The following PID1 variants were observed in gnomAD, a reference collection of about 807,000 sequenced individuals.
PID1 encodes PTB-containing, cubilin and LRP1-interacting protein.
In PID1, 10 loss-of-function variants were observed where a neutral mutation model predicts 19.1. The observed-to-expected ratio is 0.52, with a 90% CI of 0.32 to 0.89. The LOEUF (loss-of-function observed/expected upper bound fraction) is 0.89. PID1 is among the 40% of genes least tolerant of loss of function. The probability of loss-of-function intolerance (pLI) is 0.03; values close to 1 mark genes in which losing one functional copy is unlikely to be tolerated. For missense variants in PID1, 248 were observed against 285.3 expected (o/e 0.87, Z 0.94); for synonymous variants, 130 against 116.0 (o/e 1.12, Z -0.78).
chr2:229,081,349 C>T (rs1214304735), intron 2 of PID1, among the ~76,000 whole-genome samples: 1 of 152,130 alleles, frequency 6.6e-6, no homozygotes, highest in African/African-American at 2.4e-5. Flanking sequence ...TATCTAAAGA[C>T]ATAATGATAA....
intron 1 of PID1, among the ~76,000 whole-genome samples, chr2:229,206,992 C>T (rs960311201): frequency 6.6e-6 from 1 of 152,162 alleles, no homozygotes; most frequent in African/African-American, 2.4e-5. Flanking sequence ...CCTGGGACTA[C>T]ACTTTGATAA....
intron 1 of PID1, among the ~76,000 whole-genome samples, chr2:229,264,477 G>A (rs763835786): frequency 3.9e-5 from 6 of 152,078 alleles, no homozygotes; most frequent in Non-Finnish European, 5.9e-5. Flanking sequence ...CAAGGTATGT[G>A]GCCCCCAAGT....
intron 2 of PID1, among the ~76,000 whole-genome samples, chr2:229,048,570 G>T (rs1693929238): frequency 6.6e-6 from 1 of 152,130 alleles, no homozygotes; most frequent in Non-Finnish European, 1.5e-5. Flanking sequence ...ACTCCACTCA[G>T]GGGCACTAAC....
chr2:229,166,177 T>C lies in PID1; in HGVS notation c.31-10213A>G, dbSNP rs561740733. Among the ~76,000 whole-genome samples the C allele has an allele frequency of 1.7e-4, 26 of 152,276 alleles. No homozygotes were observed. The South Asian group carries it at 5.0e-3, about 29-fold the overall frequency. ...TACAGATGCACACTACAACATAAAT[T>C]ATAAAACAATTATCCTGAGAACACA... On this transcript the variant is annotated intron_variant, in intron 1 of 2. Transcript: ENST00000392055.
intron 1 of PID1, among the ~76,000 whole-genome samples, chr2:229,159,599 T>A (rs1349531887): frequency 6.6e-6 from 1 of 152,250 alleles, no homozygotes; most frequent in East Asian, 1.9e-4. Context: ...CACAAGTGCA[T>A]ATGCCAATTC....
chr2:229,074,299 A>C (rs1445360161), intron 2 of PID1, among the ~76,000 whole-genome samples: 3 of 152,118 alleles, frequency 2.0e-5, no homozygotes, highest in Non-Finnish European at 4.4e-5. Context: ...AGCAAAATAT[A>C]CTTCAAGAAA....
chr2:229,213,751 G>T (rs776813231), intron 1 of PID1, among the ~76,000 whole-genome samples: 1 of 152,134 alleles, frequency 6.6e-6, no homozygotes, highest in Non-Finnish European at 1.5e-5. Flanking sequence ...ACTTGGTACA[G>T]ATGTATATAA....
intron 1 of PID1, among the ~76,000 whole-genome samples, chr2:229,200,327 C>T (rs993932667): frequency 6.6e-6 from 1 of 151,962 alleles, no homozygotes; most frequent in African/African-American, 2.4e-5. Flanking sequence ...CAGAGAATTG[C>T]TTGGGGGGAG....
At chr2:229,150,408 A>G (rs1175810351) in intron 2 of PID1, among the ~76,000 whole-genome samples, 1 of 152,116 alleles carries the variant, frequency 6.6e-6, no homozygotes, top group Non-Finnish European at 1.5e-5. Context: ...CCCACCAGCC[A>G]TACGAAAAGG....
intron 2 of PID1, among the ~76,000 whole-genome samples, chr2:229,083,457 C>G (rs370121259): frequency 2.0e-5 from 3 of 152,106 alleles, no homozygotes; most frequent in African/African-American, 7.2e-5. Flanking sequence ...AAAGGAGCCT[C>G]TGCCCAAATT....
intron 1 of PID1, among the ~76,000 whole-genome samples, chr2:229,235,881 A>C (rs972605216): frequency 1.3e-5 from 2 of 152,212 alleles, no homozygotes; most frequent in African/African-American, 4.8e-5. Context: ...GGGGCCAGGC[A>C]GGAGGGAATA....
rs150860003 is a variant in PID1, at chr2:229,071,871, T to C, written c.178-45763A>G. On this transcript the variant is annotated intron_variant, in intron 2 of 2. Transcript: ENST00000392055. ...TGTATTGTCTCTTTTGAAATAGAAA[T>C]CTTTGTTTTATTTCTAAACATATTT... Among the ~76,000 whole-genome samples, 12 of 152,338 alleles carry C rather than the reference T, an allele frequency of 7.9e-5. No individual in the cohort carries two copies. The East Asian group carries it at 2.3e-3, about 29-fold the overall frequency.
rs1353561585 is a variant in PID1 at position 229,113,574 on chromosome 2, G to A, written c.177+42244C>T. Among the ~76,000 whole-genome samples, 12 of 134,102 alleles carry A rather than the reference G, an allele frequency of 8.9e-5. No homozygotes were observed. The Admixed American group carries it at 9.8e-4, about 11-fold the overall frequency. 88.0% of individuals were successfully genotyped at this position (134,102 alleles called of 152,430 possible). A position where few individuals can be genotyped will look rare whatever the true frequency, so the allele number is the denominator to read the frequency against. ...ACTTAAGGCCTAGTTGTTTGTGTAT[G>A]TGTGTATGTGTGTATGCATATATGT... On this transcript the variant is annotated intron_variant, in intron 2 of 2. Transcript: ENST00000392055.
intron 1 of PID1, among the ~76,000 whole-genome samples, chr2:229,157,966 T>C (rs1690411736): frequency 6.6e-6 from 1 of 152,094 alleles, no homozygotes; most frequent in South Asian, 2.1e-4. Context: ...TATCAAGAAG[T>C]GAGATAAAAA....
chr2:229,234,157 A>T (rs1176433172), intron 1 of PID1, among the ~76,000 whole-genome samples: 2 of 152,218 alleles, frequency 1.3e-5, no homozygotes, highest in Non-Finnish European at 1.5e-5. Flanking sequence ...AATTAGAGAC[A>T]TTGAGCCAAA....
intron 2 of PID1, among the ~76,000 whole-genome samples, chr2:229,054,065 G>C (rs1209975178): frequency 1.3e-5 from 2 of 151,528 alleles, no homozygotes; most frequent in Non-Finnish European, 2.9e-5. Context: ...GCTTTTATAT[G>C]CTCATAATGC....
intron 1 of PID1, among the ~76,000 whole-genome samples, chr2:229,216,296 C>T (rs115811525): frequency 7.1e-4 from 108 of 152,282 alleles, no homozygotes; most frequent in African/African-American, 2.5e-3. Context: ...GAGAAGTGGA[C>T]GCTCAGACTC....
chr2:229,262,640 C>T, intron 1 of PID1: 1 of 1,545,466 alleles, frequency 6.5e-7, no homozygotes, highest in African/African-American at 1.4e-5. Context: ...AACAAATAAC[C>T]ATAAACTGGG....
chr2:229,042,111 G>A (rs1354798600), intron 2 of PID1, among the ~76,000 whole-genome samples: 3 of 152,010 alleles, frequency 2.0e-5, no homozygotes, highest in South Asian at 2.1e-4. Flanking sequence ...TCTGAAGTAC[G>A]GAGACATCAT....
Sources: allele counts gnomAD v4.1 joint callset (sites outside exome capture counted in the v4.1 genomes callset), GRCh38; gene constraint gnomAD v4.1.1; transcripts MANE v1.5; gene names NCBI Gene and HGNC (gene_info 2026-07-23, HGNC 2026-07-21).